RAB3IL1: variants seen among roughly 807,000 people sequenced by gnomAD.
The protein encoded by RAB3IL1 is guanine nucleotide exchange factor for Rab-3A.
In RAB3IL1, 37 loss-of-function variants were observed where a neutral mutation model predicts 49.2. The observed-to-expected ratio is 0.75, with a 90% CI of 0.58 to 0.99. RAB3IL1 has a LOEUF of 0.99. Ranked by LOEUF, RAB3IL1 falls within the 50% of genes least tolerant of loss-of-function variation. The pLI, the probability that RAB3IL1 is intolerant of heterozygous loss-of-function variation, is 0.00. For missense variants in RAB3IL1, 484 were observed against 513.0 expected (o/e 0.94, Z 0.55); for synonymous variants, 193 against 213.9 (o/e 0.90, Z 0.85).
At chr11:61,932,769 ATTT>A in the RAB3IL1 span, among the ~76,000 whole-genome samples, 7 of 134,044 alleles carry the variant, frequency 5.2e-5, no homozygotes, top group African/African-American at 1.6e-4. Context: ...ACTATAGTTC[ATTT>A]TTTTTTTTTT....
chr11:61,918,370 G>A (rs1417616308), upstream of RAB3IL1, among the ~76,000 whole-genome samples: 1 of 152,266 alleles, frequency 6.6e-6, no homozygotes, highest in Admixed American at 6.5e-5. Flanking sequence ...GTCTAGGGGA[G>A]GACTGGGAGC....
chr11:61,944,209 C>CCCTTCCCT, the RAB3IL1 span, among the ~76,000 whole-genome samples: 85 of 32,172 alleles, frequency 2.6e-3, no homozygotes, highest in African/African-American at 4.5e-3. Context: ...TCCTTTCCTT[C>CCCTTCCCT]CCTTCCTTCC....
intron 1 of RAB3IL1, among the ~76,000 whole-genome samples, chr11:61,909,719 G>T (rs1257725048): frequency 6.6e-6 from 1 of 152,258 alleles, no homozygotes; most frequent in Non-Finnish European, 1.5e-5. Context: ...CAGCCTGAGA[G>T]CTATGGCGGA....
At chr11:61,945,444 T>C in the RAB3IL1 span, among the ~76,000 whole-genome samples, 1 of 151,878 alleles carries the variant, frequency 6.6e-6, no homozygotes, top group Non-Finnish European at 1.5e-5. Context: ...CAGCGGGGAG[T>C]TGCTGCACTC....
chr11:61,927,587 G>T, the RAB3IL1 span, among the ~76,000 whole-genome samples: 1 of 152,132 alleles, frequency 6.6e-6, no homozygotes, highest in Non-Finnish European at 1.5e-5. Context: ...GTGGGGCTTT[G>T]TATGTGGTAT....
At chr11:61,944,254 C>CCTTCCTTCCTTCCTTT in the RAB3IL1 span, among the ~76,000 whole-genome samples, 34 of 150,154 alleles carry the variant, frequency 2.3e-4, no homozygotes, top group South Asian at 1.1e-3. Flanking sequence ...TTCCTTCCTT[C>CCTTCCTTCCTTCCTTT]CTTCCTTCCT....
Position 61,906,382 on chromosome 11 carries a change from G to C in RAB3IL1, c.657+84C>G, listed in dbSNP as rs1939182227. The C allele has an allele frequency of 8.8e-6, 11 of 1,256,334 alleles. No individual in the cohort carries two copies. Among genetic ancestry groups the C allele is most frequent in the Non-Finnish European group, 1.2e-5 (11 of 894,508 alleles). 77.8% of individuals were successfully genotyped at this position (1,256,334 alleles called of 1,614,324 possible). ...GCTCCAGGTCACACAGCATGGGGCA[G>C]GCTGGTCCTCACTGGGCTCGGACCC... On this transcript the variant is annotated intron_variant, in intron 5 of 9. Coordinates refer to ENST00000394836, the MANE Select transcript of RAB3IL1 (RefSeq NM_013401.4). The surrounding 1 kb of genome is among the most constrained non-coding windows in gnomAD (Gnocchi z 4.6).
intron 1 of RAB3IL1, 54 bp from the exon 2 acceptor site, chr11:61,908,360 G>T: frequency 7.2e-7 from 1 of 1,379,384 alleles, no homozygotes; most frequent in East Asian, 2.7e-5. Flanking sequence ...GAGGCCTGGA[G>T]AGCTGAGTCC....
Position 61,917,271 on chromosome 11 carries a change from C to G in RAB3IL1, c.11+86G>C, listed in dbSNP as rs1263779485. The stretch of plus-strand genomic sequence containing the variant: ...AGCACCTCCGGGTGGCGGCGCAGAC[C>G]CGGCGGGGACCCCCGAAATCCTCCC... On this transcript the variant is annotated intron_variant, in intron 1 of 9. Transcript: ENST00000394836. The G allele has an allele frequency of 8.2e-6, 11 of 1,337,542 alleles. No individual in the cohort carries two copies. In the East Asian group the frequency reaches 3.1e-4, roughly 38 times the overall value. 82.9% of individuals were successfully genotyped at this position (1,337,542 alleles called of 1,614,324 possible).
chr11:61,925,403 G>A, the RAB3IL1 span, among the ~76,000 whole-genome samples: 2 of 152,170 alleles, frequency 1.3e-5, no homozygotes, highest in East Asian at 1.9e-4. Flanking sequence ...GGAGGCTGAG[G>A]TGGGTGGATC....
At chr11:61,944,197 C>T in the RAB3IL1 span, among the ~76,000 whole-genome samples, 24 of 148,986 alleles carry the variant, frequency 1.6e-4, no homozygotes, top group Admixed American at 6.0e-4. Context: ...CCTTCCCTTC[C>T]TTCCTTTCCT....
chr11:61,939,976 GA>G, the RAB3IL1 span, among the ~76,000 whole-genome samples: 2 of 148,910 alleles, frequency 1.3e-5, no homozygotes, highest in Non-Finnish European at 1.5e-5. Context: ...AAAAAGGAAC[GA>G]AAGTAGAAAA....
At chr11:61,901,007 A>G (rs1362240492) in intron 8 of RAB3IL1, among the ~76,000 whole-genome samples, 1 of 151,894 alleles carries the variant, frequency 6.6e-6, no homozygotes, top group African/African-American at 2.4e-5. Flanking sequence ...GTGGCCCTGA[A>G]CACACCCCTT....
At chr11:61,940,244 C>A in the RAB3IL1 span, among the ~76,000 whole-genome samples, 1 of 151,648 alleles carries the variant, frequency 6.6e-6, no homozygotes, top group Non-Finnish European at 1.5e-5. Flanking sequence ...GAGTTCGAGA[C>A]CAGCCTGACC....
At chr11:61,921,058 C>T (rs986108268), upstream of RAB3IL1, among the ~76,000 whole-genome samples, 5 of 152,118 alleles carry the variant, frequency 3.3e-5, no homozygotes, top group African/African-American at 4.8e-5. Flanking sequence ...GGTCTCGCTC[C>T]GTCACCCAGG....
chr11:61,917,279 G>A (rs899173775), intron 1 of RAB3IL1, 78 bp downstream of exon 1: 2 of 1,346,284 alleles, frequency 1.5e-6, no homozygotes. Flanking sequence ...ACCCGGCGGG[G>A]ACCCCCGAAA....
chr11:61,918,742 A>G (rs1939815644), upstream of RAB3IL1, among the ~76,000 whole-genome samples: 1 of 152,172 alleles, frequency 6.6e-6, no homozygotes, highest in Admixed American at 6.5e-5. Flanking sequence ...GAATCTGGAG[A>G]GTGGAGGCGA....
intron 8 of RAB3IL1, among the ~76,000 whole-genome samples, chr11:61,901,504 T>C (rs1938914386): frequency 6.6e-6 from 1 of 152,320 alleles, no homozygotes; most frequent in African/African-American, 2.4e-5. Context: ...ACTGGAACTC[T>C]AGCATCACTC....
At chr11:61,921,604 A>G (rs1717886084), upstream of RAB3IL1, among the ~76,000 whole-genome samples, 1 of 151,740 alleles carries the variant, frequency 6.6e-6, no homozygotes, top group Non-Finnish European at 1.5e-5. Flanking sequence ...CATGACAAAC[A>G]CCCCCTGGAA....
Sources: gnomAD v4.1 joint callset for allele counts (sites outside exome capture counted in the v4.1 genomes callset) on GRCh38, gnomAD v4.1.1 for gene constraint, Gnocchi (gnomAD v3.1) non-coding constraint, MANE v1.5 for transcripts, NCBI Gene and HGNC (gene_info 2026-07-23, HGNC 2026-07-21) for gene names.